Variants in LIPC observed in about 807,000 individuals in gnomAD.
The protein encoded by LIPC is hepatic triacylglycerol lipase.
LIPC carries 44 observed loss-of-function variants against 50.7 expected under a neutral mutation model. That is an observed-to-expected ratio of 0.87 (90% CI 0.68 to 1.11). The LOEUF (loss-of-function observed/expected upper bound fraction) is 1.11. LIPC is among the 50% of genes most tolerant of loss of function. The pLI is 0.00. For synonymous variants in LIPC, 271 were observed against 256.4 expected (o/e 1.06, Z -0.54); for missense variants, 697 against 648.2 (o/e 1.08, Z -0.82).
intron 1 of LIPC, among the ~76,000 whole-genome samples, chr15:58,488,468 C>T (rs1403577159): frequency 6.6e-6 from 1 of 152,212 alleles, no homozygotes; most frequent in African/African-American, 2.4e-5. Flanking sequence ...GAGTCATTCT[C>T]AGGCCTATCC....
rs1053514277 is a variant in LIPC at position 58,457,791 on chromosome 15, G to A, written c.88+25671G>A. 6.6e-5 allele frequency among the ~76,000 whole-genome samples: 10 copies of A among 152,180 alleles called. No individual in the cohort carries two copies. The East Asian group carries it at 1.9e-3, about 29-fold the overall frequency. ...CTGACTGAACTGGATATATGGTAAG[G>A]ATTTCCATCTTGTACATAAACACTT... On this transcript the variant is annotated intron_variant, in intron 1 of 8. Coordinates refer to ENST00000299022, the MANE Select transcript of LIPC (RefSeq NM_000236.3).
intron 1 of LIPC, among the ~76,000 whole-genome samples, chr15:58,473,368 G>A (rs1224588161): frequency 2.0e-5 from 3 of 152,156 alleles, no homozygotes; most frequent in African/African-American, 7.2e-5. Flanking sequence ...CCCTCGTGGT[G>A]AGGAAAGCAA....
chr15:58,560,814 A>G, intron 6 of LIPC, 50 bp from the exon 7 acceptor site: 1 of 796,062 alleles, frequency 1.3e-6, no homozygotes, highest in Admixed American at 1.9e-5. Context: ...TTAAATTTAA[A>G]ATCACTGCTT....
intron 1 of LIPC, among the ~76,000 whole-genome samples, chr15:58,487,122 A>G (rs1891404506): frequency 6.6e-6 from 1 of 152,242 alleles, no homozygotes. Context: ...TCAACTGGGA[A>G]AAACATTGGC....
chr15:58,448,706 G>C (rs2140665112), intron 1 of LIPC, among the ~76,000 whole-genome samples: 1 of 152,362 alleles, frequency 6.6e-6, no homozygotes, highest in African/African-American at 2.4e-5. Flanking sequence ...GAAAATGCTA[G>C]TATTGTCCCC....
intron 1 of LIPC, among the ~76,000 whole-genome samples, chr15:58,499,902 T>G (rs570125609): frequency 6.6e-6 from 1 of 152,268 alleles, no homozygotes; most frequent in Non-Finnish European, 1.5e-5. Flanking sequence ...ACAATGCCAG[T>G]GGATGTCAGG....
intron 1 of LIPC, among the ~76,000 whole-genome samples, chr15:58,506,711 T>G (rs144458618): frequency 4.3e-4 from 66 of 152,296 alleles, no homozygotes; most frequent in Non-Finnish European, 7.9e-4. Context: ...GCTGGCTGTG[T>G]TCCCAACTCC....
intron 1 of LIPC, among the ~76,000 whole-genome samples, chr15:58,459,799 G>T (rs1894274216): frequency 6.6e-6 from 1 of 152,222 alleles, no homozygotes; most frequent in East Asian, 1.9e-4. Context: ...CTTACCCCTT[G>T]GGGGAAGGAC....
chr15:58,533,029 A>G (rs1893004181), intron 1 of LIPC: 1 of 308,582 alleles, frequency 3.2e-6, no homozygotes, highest in African/African-American at 2.3e-5. Flanking sequence ...TAGTCCATCA[A>G]CCCCTTTTCC....
chr15:58,452,836 T>TG (rs1371103682), intron 1 of LIPC, among the ~76,000 whole-genome samples: 2 of 152,178 alleles, frequency 1.3e-5, no homozygotes, highest in Admixed American at 1.3e-4. Context: ...AGGGTACAGC[T>TG]GGGGGACACA....
intron 1 of LIPC, among the ~76,000 whole-genome samples, chr15:58,453,167 T>G (rs755743130): frequency 1.2e-4 from 18 of 152,270 alleles, no homozygotes; most frequent in Non-Finnish European, 2.5e-4. Context: ...TTCTCCCCGC[T>G]TGGCTGAGCC....
intron 4 of LIPC, among the ~76,000 whole-genome samples, chr15:58,542,886 C>T (rs1267369506): frequency 3.3e-5 from 5 of 152,210 alleles, no homozygotes; most frequent in Non-Finnish European, 4.4e-5. Context: ...CAAACGAATA[C>T]CTCATGTTGG....
At chr15:58,452,394 G>A (rs1467690267) in intron 1 of LIPC, among the ~76,000 whole-genome samples, 2 of 152,126 alleles carry the variant, frequency 1.3e-5, no homozygotes, top group Non-Finnish European at 2.9e-5. Flanking sequence ...AAAAACTAAG[G>A]CTTATGTTCA....
intron 1 of LIPC, among the ~76,000 whole-genome samples, chr15:58,514,713 A>G (rs1412449697): frequency 2.0e-5 from 3 of 152,188 alleles, no homozygotes; most frequent in Non-Finnish European, 1.5e-5. Context: ...AATCCCAGCT[A>G]CTTCGGAGGC....
Position 58,541,818 on chromosome 15 carries a change from ATGG to A in LIPC, c.311_313del (p.Val104del). ...CGTGCTAGAAAACTGGATCTGGCAG[ATGG>A]TGGCCGCGCTGAAGTCTCAGCCGGC... On this transcript the variant is annotated inframe_deletion, in exon 3 of 9. Coordinates refer to ENST00000299022, the MANE Select transcript of LIPC (RefSeq NM_000236.3). 6.2e-7 allele frequency: 1 copy of A among 1,613,602 alleles called. No individual in the cohort carries two copies. The highest frequency in any genetic ancestry group is 8.5e-7 in the Non-Finnish European group (1 of 1,179,948).
intron 1 of LIPC, among the ~76,000 whole-genome samples, chr15:58,507,281 T>C (rs1892183079): frequency 6.6e-6 from 1 of 151,810 alleles, no homozygotes; most frequent in South Asian, 2.1e-4. Flanking sequence ...TTCTTTTTGC[T>C]TTCTCTAAAA....
intron 6 of LIPC, among the ~76,000 whole-genome samples, chr15:58,553,251 A>G (rs1397233498): frequency 2.0e-5 from 3 of 152,014 alleles, no homozygotes; most frequent in Non-Finnish European, 4.4e-5. Context: ...GGCCGCACAC[A>G]CACACTCCCC....
chr15:58,450,847 G>A (rs576991047), intron 1 of LIPC, among the ~76,000 whole-genome samples: 226 of 152,284 alleles, frequency 1.5e-3, no homozygotes, highest in African/African-American at 5.3e-3. Context: ...AGCAGTCAGG[G>A]TTTACAGGTA....
intron 1 of LIPC, among the ~76,000 whole-genome samples, chr15:58,485,458 C>G (rs998436989): frequency 6.6e-6 from 1 of 152,130 alleles, no homozygotes; most frequent in African/African-American, 2.4e-5. Context: ...CAGCCACATG[C>G]AATGTTCATC....
Sources: allele counts gnomAD v4.1 joint callset (sites outside exome capture counted in the v4.1 genomes callset), GRCh38; gene constraint gnomAD v4.1.1; transcripts MANE v1.5; gene names NCBI Gene and HGNC (gene_info 2026-07-23, HGNC 2026-07-21).